RNF121: variants seen among roughly 807,000 people sequenced by gnomAD.
RNF121 encodes the protein E3 ubiquitin ligase RNF121.
Under a neutral mutation model 46.5 loss-of-function variants are expected in RNF121, and 21 were observed. That is an observed-to-expected ratio of 0.45 (90% CI 0.32 to 0.65). The LOEUF is 0.65. RNF121 is among the 30% of genes least tolerant of loss of function. The pLI is 0.04. For missense variants in RNF121, 346 were observed against 416.0 expected (o/e 0.83, Z 1.46); for synonymous variants, 139 against 144.7 (o/e 0.96, Z 0.28).
intron 2 of RNF121, among the ~76,000 whole-genome samples, 195 bp from the exon 3 acceptor site, chr11:71,960,555 G>A (rs1427731180): frequency 2.0e-5 from 3 of 152,096 alleles, no homozygotes; most frequent in African/African-American, 7.2e-5. Context: ...TGGGGGGTCC[G>A]TAGAGCCTGT....
Position 71,960,826 on chromosome 11 carries a change from G to A in RNF121, c.178G>A (p.Ala60Thr), listed in dbSNP as rs756071313. ...MHAEMVLILI[A>T]TLVVAQLLLV... Reference sequence around the variant, plus strand: ...TGCTGAAATGGTCCTCATCCTCATCGCAACCTTGGTGGTGGCCCAGCTGCT... The same window carrying A: ...TGCTGAAATGGTCCTCATCCTCATCACAACCTTGGTGGTGGCCCAGCTGCT... The change falls in exon 3 of 9, where the codon GCA becomes ACA. Residue 60 changes from alanine to threonine, a missense_variant. Around this residue, in one of 2 missense-constraint regions of RNF121, gnomAD observed 286 missense variants for 383.8 expected, o/e 0.75. Coordinates refer to ENST00000361756, the MANE Select transcript of RNF121 (RefSeq NM_018320.5). 7 of 1,614,134 alleles carry A rather than the reference G, an allele frequency of 4.3e-6. No homozygotes were observed. Among genetic ancestry groups the A allele is most frequent in the African/African-American group, 4.0e-5 (3 of 75,042 alleles).
rs778827395 is a variant in RNF121 at position 71,960,849 on chromosome 11, G to A, written c.201G>A (p.Leu67=). ...ILIATLVVAQ[L]LLVQWKQRHP... Reference sequence around the variant, plus strand: ...TCGCAACCTTGGTGGTGGCCCAGCTGCTCCTGGTGCAGTGGAAGCAGAGGC... The same window carrying A: ...TCGCAACCTTGGTGGTGGCCCAGCTACTCCTGGTGCAGTGGAAGCAGAGGC... Residue 67 remains leucine, a synonymous_variant, in exon 3 of 9, where the codon CTG becomes CTA. Transcript: ENST00000361756. 6.2e-7 allele frequency: 1 copy of A among 1,614,014 alleles called. No homozygotes were observed. The highest frequency in any genetic ancestry group is 1.3e-5 in the African/African-American group (1 of 74,922).
At chr11:71,986,348 A>G (rs1029392563) in intron 4 of RNF121, among the ~76,000 whole-genome samples, 2 of 152,200 alleles carry the variant, frequency 1.3e-5, no homozygotes, top group Non-Finnish European at 2.9e-5. Context: ...TCTTCTGAGC[A>G]TAGTTGTGTT....
intron 1 of RNF121, among the ~76,000 whole-genome samples, chr11:71,933,727 G>A (rs941499393): frequency 3.3e-5 from 5 of 152,168 alleles, no homozygotes; most frequent in South Asian, 4.1e-4. Context: ...TGTAAGCTTC[G>A]TGAGAGAGCA....
In RNF121 at chr11:71,997,466, A is replaced by G. The variant is rs1474966283; in HGVS notation, c.*1151A>G. The G allele has an allele frequency of 6.6e-6, 1 of 152,206 alleles. No individual in the cohort carries two copies. Among genetic ancestry groups the G allele is most frequent in the Non-Finnish European group, 1.5e-5 (1 of 68,056 alleles). The allele number at this position is 152,206 out of a possible 1,614,324, so 9.4% of individuals were successfully genotyped here. The stretch of plus-strand genomic sequence containing the variant: ...ACTTGAATAAAGTGGGAGGTCAAAC[A>G]TGGGCCTTCGGCATTGGGTTTCTAG... On this transcript the variant is annotated 3_prime_UTR_variant, in exon 9 of 9. Transcript: ENST00000361756.
chr11:71,929,180 G>A, intron 1 of RNF121, 56 bp downstream of exon 1: 1 of 1,529,640 alleles, frequency 6.5e-7, no homozygotes, highest in East Asian at 2.5e-5. Context: ...GGGAGGGGCA[G>A]TGAGGTATCG....
At chr11:71,952,766 C>T (rs893894129) in intron 1 of RNF121, among the ~76,000 whole-genome samples, 1 of 152,086 alleles carries the variant, frequency 6.6e-6, no homozygotes, top group African/African-American at 2.4e-5. Context: ...TGACATCGTG[C>T]CACTGCACTC....
chr11:71,941,028 A>T (rs567992947), intron 1 of RNF121, among the ~76,000 whole-genome samples: 1 of 152,340 alleles, frequency 6.6e-6, no homozygotes, highest in South Asian at 2.1e-4. Flanking sequence ...GTTAAACGTA[A>T]GGGGATAGCA....
At chr11:71,929,274 A>C in intron 1 of RNF121, 150 bp downstream of exon 1, 1 of 1,331,408 alleles carries the variant, frequency 7.5e-7, no homozygotes, top group Non-Finnish European at 1.0e-6. Context: ...GAGCGAAGTC[A>C]GAGGCACTCC....
chr11:71,958,930 G>A (rs1419386754), intron 2 of RNF121, among the ~76,000 whole-genome samples: 1 of 152,190 alleles, frequency 6.6e-6, no homozygotes, highest in Non-Finnish European at 1.5e-5. Context: ...TATGTTGTCT[G>A]AGAACAAGAA....
intron 3 of RNF121, among the ~76,000 whole-genome samples, chr11:71,976,683 C>T (rs1954534098): frequency 1.3e-5 from 2 of 152,108 alleles, no homozygotes; most frequent in African/African-American, 4.8e-5. Context: ...CTTAGTTAAG[C>T]AGGGTTGTCT....
chr11:71,955,021 T>G (rs1314351903), intron 1 of RNF121, among the ~76,000 whole-genome samples: 1 of 152,210 alleles, frequency 6.6e-6, no homozygotes, highest in Non-Finnish European at 1.5e-5. Flanking sequence ...AAGTGTGTCT[T>G]GGCTCTGAGG....
chr11:71,945,623 G>A lies in RNF121; in HGVS notation c.64-11604G>A, dbSNP rs1953694790. ...GTCTGTCATTTATTGAACACATACA[G>A]TATACCAGATTATGAGCTAGTTCTC... On this transcript the variant is annotated intron_variant, in intron 1 of 8. Transcript: ENST00000361756. 2.0e-5 allele frequency among the ~76,000 whole-genome samples: 3 copies of A among 152,306 alleles called. No individual in the cohort carries two copies. In the South Asian group the frequency reaches 6.2e-4, roughly 32 times the overall value.
rs1233695719 is a variant in RNF121 at position 71,994,818 on chromosome 11, A to G, written c.727A>G (p.Ile243Val). 6.2e-7 allele frequency: 1 copy of G among 1,614,196 alleles called. No homozygotes were observed. The highest frequency in any genetic ancestry group is 1.3e-5 in the African/African-American group (1 of 75,042). The change falls in exon 7 of 9, where the codon ATT becomes GTT. Residue 243 changes from isoleucine to valine, a missense_variant. Physicochemically the swap from Ile to Val is conservative, Grantham distance 29. Around this residue, in one of 2 missense-constraint regions of RNF121, gnomAD observed 286 missense variants for 383.8 expected, o/e 0.75. Transcript: ENST00000361756. The stretch of plus-strand genomic sequence containing the variant: ...TGTGGACGTCAGTGAAGAGGGGATC[A>G]TTGAGAACACGTATAGGCTGTCCTG... ...IFVDVSEEGI[I>V]ENTYRLSCNH...
chr11:71,932,859 G>T (rs182679307), intron 1 of RNF121, among the ~76,000 whole-genome samples: 2 of 152,166 alleles, frequency 1.3e-5, no homozygotes, highest in South Asian at 4.1e-4. Flanking sequence ...TTCCATACAG[G>T]TCCTTTAACT....
At chr11:71,975,196 T>A (rs1316712363) in intron 3 of RNF121, among the ~76,000 whole-genome samples, 3 of 152,228 alleles carry the variant, frequency 2.0e-5, no homozygotes, top group Non-Finnish European at 4.4e-5. Flanking sequence ...TACTAGAATG[T>A]GGAATTAGAG....
intron 3 of RNF121, among the ~76,000 whole-genome samples, chr11:71,965,913 T>C (rs1954266109): frequency 6.6e-6 from 1 of 152,236 alleles, no homozygotes; most frequent in Admixed American, 6.5e-5. Context: ...AAATACCTGA[T>C]TTTATTAAGT....
chr11:71,957,045 A>G (rs1229312750), intron 1 of RNF121, among the ~76,000 whole-genome samples, 182 bp from the exon 2 acceptor site: 1 of 152,232 alleles, frequency 6.6e-6, no homozygotes, highest in African/African-American at 2.4e-5. Flanking sequence ...CATGAGTCAA[A>G]CTAAGCTGTT....
At chr11:71,968,280 G>T (rs1260247487) in intron 3 of RNF121, among the ~76,000 whole-genome samples, 2 of 152,090 alleles carry the variant, frequency 1.3e-5, no homozygotes, top group East Asian at 3.8e-4. Context: ...GGCTGATCTC[G>T]AACTCTGGAC....
Sources: allele counts gnomAD v4.1 joint callset (sites outside exome capture counted in the v4.1 genomes callset), GRCh38; gene constraint gnomAD v4.1.1; regional missense constraint gnomAD v4.1.1; transcripts MANE v1.5; gene names NCBI Gene and HGNC (gene_info 2026-07-23, HGNC 2026-07-21).